Variants in SLCO5A1 observed in about 807,000 individuals in gnomAD.
SLCO5A1 encodes solute carrier organic anion transporter family member 5A1.
Under a neutral mutation model 65.1 loss-of-function variants are expected in SLCO5A1, and 39 were observed. That is an observed-to-expected ratio of 0.60 (90% CI 0.46 to 0.78). The LOEUF (loss-of-function observed/expected upper bound fraction) is 0.78, where lower values mean the gene tolerates loss of function less well. Ranked by LOEUF, SLCO5A1 falls within the 30% of genes least tolerant of loss-of-function variation. The pLI, the probability that SLCO5A1 is intolerant of heterozygous loss-of-function variation, is 0.00. For missense variants in SLCO5A1, 1,029 were observed against 1,069.4 expected (o/e 0.96, Z 0.53); for synonymous variants, 438 against 415.7 (o/e 1.05, Z -0.65).
chr8:69,748,870 G>A lies in SLCO5A1; in HGVS notation c.1258+6554C>T, dbSNP rs140284712. Among the ~76,000 whole-genome samples, 81 of 152,256 alleles carry A rather than the reference G, an allele frequency of 5.3e-4. 2 individuals carry two copies. In the South Asian group the frequency reaches 9.3e-3, roughly 18 times the overall value. On this transcript the variant is annotated intron_variant, in intron 4 of 9. Transcript: ENST00000260126. Reference sequence around the variant, plus strand: ...GGCCTAAAGACCTGGGTTTTAGGGAGCCTTTGTGGTGATGCTGTTGTAGGC... The same window carrying A: ...GGCCTAAAGACCTGGGTTTTAGGGAACCTTTGTGGTGATGCTGTTGTAGGC...
Position 69,668,802 on chromosome 8 carries a change from C to T in SLCO5A1, c.*4067G>A, listed in dbSNP as rs555706777. The T allele has an allele frequency of 6.6e-6, 1 of 152,196 alleles. No homozygotes were observed. The highest frequency in any genetic ancestry group is 2.4e-5 in the African/African-American group (1 of 41,508). The allele number at this position is 152,196 out of a possible 1,614,324, so 9.4% of individuals were successfully genotyped here. On this transcript the variant is annotated 3_prime_UTR_variant, in exon 10 of 10. Coordinates refer to ENST00000260126, the MANE Select transcript of SLCO5A1 (RefSeq NM_030958.3). ...TGAGGCCTTACTCCATGTAACTCCCCCTTCTCTGAAGGCTGACATTTCCAA... is the reference window on the plus strand; with the variant it reads ...TGAGGCCTTACTCCATGTAACTCCCTCTTCTCTGAAGGCTGACATTTCCAA...
intron 2 of SLCO5A1, among the ~76,000 whole-genome samples, chr8:69,808,738 C>T (rs575828640): frequency 4.4e-4 from 67 of 152,212 alleles, no homozygotes; most frequent in African/African-American, 1.6e-3. Flanking sequence ...TTTAAAGAAT[C>T]GCCATGATGT....
chr8:69,815,950 G>A (rs777502787), intron 2 of SLCO5A1, among the ~76,000 whole-genome samples: 1 of 152,088 alleles, frequency 6.6e-6, no homozygotes, highest in Non-Finnish European at 1.5e-5. Flanking sequence ...GTAACACACA[G>A]TTAATTTCTA....
chr8:69,760,029 A>G (rs1411361568), intron 3 of SLCO5A1, among the ~76,000 whole-genome samples: 1 of 152,032 alleles, frequency 6.6e-6, no homozygotes, highest in East Asian at 1.9e-4. Context: ...GGTAAGACTA[A>G]AGCTCCTGCC....
At chr8:69,700,086 A>G (rs1814661740) in intron 6 of SLCO5A1, 1 of 152,250 alleles carries the variant, frequency 6.6e-6, no homozygotes, top group Non-Finnish European at 1.5e-5. Flanking sequence ...ACAGAGCAAG[A>G]CCCTGTTTCA....
intron 2 of SLCO5A1, among the ~76,000 whole-genome samples, chr8:69,793,646 C>G (rs1452387457): frequency 6.6e-6 from 1 of 151,918 alleles, no homozygotes; most frequent in Non-Finnish European, 1.5e-5. Flanking sequence ...GGTGTGGTGG[C>G]TCGCACCCAT....
At chr8:69,750,915 T>C (rs960575271) in intron 4 of SLCO5A1, among the ~76,000 whole-genome samples, 3 of 152,314 alleles carry the variant, frequency 2.0e-5, no homozygotes, top group African/African-American at 7.2e-5. Context: ...AGAGTGAACA[T>C]TCAGTGAATT....
chr8:69,797,658 T>A (rs1397601967), intron 2 of SLCO5A1, among the ~76,000 whole-genome samples: 1 of 152,188 alleles, frequency 6.6e-6, no homozygotes, highest in African/African-American at 2.4e-5. Flanking sequence ...GTCGAAGCTG[T>A]AGGGATGAAA....
chr8:69,791,183 C>A (rs551395871), intron 2 of SLCO5A1, among the ~76,000 whole-genome samples: 1 of 152,150 alleles, frequency 6.6e-6, no homozygotes. Context: ...TGATCACATC[C>A]CCTTCCTCCC....
At chr8:69,828,722 A>C (rs79262353) in intron 2 of SLCO5A1, among the ~76,000 whole-genome samples, 1 of 152,330 alleles carries the variant, frequency 6.6e-6, no homozygotes, top group East Asian at 1.9e-4. Context: ...ATTGCTTTAC[A>C]CTAAAAACAC....
At chr8:69,745,143 T>A (rs1004539017) in intron 4 of SLCO5A1, among the ~76,000 whole-genome samples, 1 of 152,200 alleles carries the variant, frequency 6.6e-6, no homozygotes, top group African/African-American at 2.4e-5. Flanking sequence ...ATGCATAGCA[T>A]AATCTGACAT....
chr8:69,691,987 G>A (rs1196872741), intron 6 of SLCO5A1, among the ~76,000 whole-genome samples: 9 of 152,210 alleles, frequency 5.9e-5, no homozygotes, highest in East Asian at 1.9e-4. Context: ...GGTGGCTCAC[G>A]CCTGTAATCC....
chr8:69,692,928 A>G (rs896747878), intron 6 of SLCO5A1, among the ~76,000 whole-genome samples: 1 of 152,214 alleles, frequency 6.6e-6, no homozygotes, highest in African/African-American at 2.4e-5. Flanking sequence ...AAATGCATAA[A>G]CCAATAACAC....
intron 4 of SLCO5A1, among the ~76,000 whole-genome samples, chr8:69,751,046 T>C (rs1817274776): frequency 6.6e-6 from 1 of 152,226 alleles, no homozygotes; most frequent in Non-Finnish European, 1.5e-5. Context: ...TATATTGCAC[T>C]CTAACAGACA....
chr8:69,703,801 T>C (rs1166255040), intron 6 of SLCO5A1, among the ~76,000 whole-genome samples: 1 of 152,204 alleles, frequency 6.6e-6, no homozygotes, highest in Non-Finnish European at 1.5e-5. Flanking sequence ...TTAAATGATA[T>C]AAACATACAA....
In SLCO5A1 at chr8:69,670,326, G is replaced by C. The variant is rs1813293829; in HGVS notation, c.*2543C>G. ...AAGACCCTATATATACAATTAAATG[G>C]TATCATCTACAAAACAGTCACTTCA... On this transcript the variant is annotated 3_prime_UTR_variant, in exon 10 of 10. Coordinates refer to ENST00000260126, the MANE Select transcript of SLCO5A1 (RefSeq NM_030958.3). 1 of 152,022 alleles carries C rather than the reference G, an allele frequency of 6.6e-6. No homozygotes were observed. Among genetic ancestry groups the C allele is most frequent in the Admixed American group, 6.6e-5 (1 of 15,262 alleles). The allele number at this position is 152,022 out of a possible 1,614,324, so 9.4% of individuals were successfully genotyped here.
intron 7 of SLCO5A1, 136 bp downstream of exon 7, chr8:69,682,048 A>C (rs891735647): frequency 1.4e-5 from 13 of 904,976 alleles, no homozygotes; most frequent in Non-Finnish European, 2.2e-5. Flanking sequence ...CTAGGTTTTC[A>C]TCAGAGGTAT....
At chr8:69,697,783 T>C (rs1306813458) in intron 6 of SLCO5A1, among the ~76,000 whole-genome samples, 1 of 152,200 alleles carries the variant, frequency 6.6e-6, no homozygotes, top group African/African-American at 2.4e-5. Context: ...CAACAGAACA[T>C]GCTAGATGAC....
At position 69,726,603 on chromosome 8, in the gene SLCO5A1, G is replaced by A. The variant is rs149622060; in HGVS notation, c.1423+11437C>T. Reference sequence around the variant, plus strand: ...CAACCTCTGTCTTTTGTGTACAAGCGATCCTCCCACCTCAGCCTCCTGAGT... The same window carrying A: ...CAACCTCTGTCTTTTGTGTACAAGCAATCCTCCCACCTCAGCCTCCTGAGT... On this transcript the variant is annotated intron_variant, in intron 5 of 9. Coordinates refer to ENST00000260126, the MANE Select transcript of SLCO5A1 (RefSeq NM_030958.3). 4.9e-3 allele frequency among the ~76,000 whole-genome samples: 742 copies of A among 150,846 alleles called. 4 individuals are homozygous for A. The highest frequency in any genetic ancestry group is 0.017 in the African/African-American group (702 of 40,980).
Sources: gnomAD v4.1 joint callset for allele counts (sites outside exome capture counted in the v4.1 genomes callset) on GRCh38, gnomAD v4.1.1 for gene constraint, MANE v1.5 for transcripts, NCBI Gene and HGNC (gene_info 2026-07-23, HGNC 2026-07-21) for gene names.